TRPM3: variants seen among roughly 807,000 people sequenced by gnomAD.
TRPM3 encodes long transient receptor potential channel 3.
TRPM3 carries 77 observed loss-of-function variants against 181.2 expected under a neutral mutation model. The ratio of observed to expected loss-of-function variants is 0.42; its 90% CI spans 0.35 to 0.51. The LOEUF is 0.51. Ranked by LOEUF, TRPM3 falls within the 20% of genes least tolerant of loss-of-function variation. The pLI is 0.01. For synonymous variants in TRPM3, 745 were observed against 796.4 expected, an observed-to-expected ratio of 0.94 and a Z score of 1.09; for missense variants, 1,759 against 2,196.7, an observed-to-expected ratio of 0.80 and a Z score of 3.98.
At chr9:70,747,918 G>A (rs1303114770) in intron 8 of TRPM3, among the ~76,000 whole-genome samples, 2 of 152,054 alleles carry the variant, frequency 1.3e-5, no homozygotes, top group African/African-American at 4.8e-5. Context: ...AGCAAGGCTA[G>A]ATATTTGTGC....
At chr9:70,914,148 T>C (rs895910507) in intron 1 of TRPM3, among the ~76,000 whole-genome samples, 1 of 152,194 alleles carries the variant, frequency 6.6e-6, no homozygotes, top group Non-Finnish European at 1.5e-5. Context: ...TGAGAGCTCC[T>C]TCCTCATGAA....
chr9:71,425,372 A>T (rs2093845687), intron 1 of TRPM3, among the ~76,000 whole-genome samples: 1 of 152,102 alleles, frequency 6.6e-6, no homozygotes, highest in African/African-American at 2.4e-5. Context: ...TTTCTTCCAA[A>T]GCCTATTTCT....
chr9:70,578,298 CAA>C (rs56376771), intron 22 of TRPM3, among the ~76,000 whole-genome samples: 11,598 of 116,342 alleles, frequency 0.1, 986 homozygotes, highest in East Asian at 0.27. Context: ...CTTTTGTATC[CAA>C]AAAAAAAAAA....
At chr9:70,612,824 C>T (rs116817586) in intron 18 of TRPM3, among the ~76,000 whole-genome samples, 1,762 of 152,236 alleles carry the variant, frequency 0.012, 33 homozygotes, top group African/African-American at 0.039. Context: ...ATTATCATGC[C>T]TCTGTTCTGC....
At chr9:70,812,159 A>G (rs1459788799) in intron 6 of TRPM3, among the ~76,000 whole-genome samples, 9 of 152,338 alleles carry the variant, frequency 5.9e-5, no homozygotes, top group South Asian at 2.1e-4. Context: ...CCTTAGAGAC[A>G]GCATTAAGGG....
intron 8 of TRPM3, among the ~76,000 whole-genome samples, chr9:70,756,739 G>C (rs529730252): frequency 6.6e-6 from 1 of 152,264 alleles, no homozygotes; most frequent in East Asian, 1.9e-4. Context: ...AACGACTACT[G>C]GGTAAATAAT....
intron 8 of TRPM3, among the ~76,000 whole-genome samples, chr9:70,742,580 T>G (rs1587692636): frequency 6.6e-6 from 1 of 152,278 alleles, no homozygotes; most frequent in South Asian, 2.1e-4. Flanking sequence ...TATCCTTCCC[T>G]TAAAACATTT....
chr9:70,933,033 T>C (rs886477537), intron 1 of TRPM3, among the ~76,000 whole-genome samples: 1 of 152,126 alleles, frequency 6.6e-6, no homozygotes, highest in Admixed American at 6.6e-5. Flanking sequence ...AAAGAGAGGA[T>C]GGTTTCAAAA....
At chr9:71,315,759 C>G (rs2088525121) in intron 1 of TRPM3, among the ~76,000 whole-genome samples, 1 of 152,134 alleles carries the variant, frequency 6.6e-6, no homozygotes, top group Admixed American at 6.5e-5. Context: ...AATCTGCTTT[C>G]TCTTATTAAT....
chr9:71,149,100 GAGA>G (rs1371549108), intron 1 of TRPM3, among the ~76,000 whole-genome samples: 1 of 152,066 alleles, frequency 6.6e-6, no homozygotes, highest in Non-Finnish European at 1.5e-5. Context: ...GAAGGCAAGT[GAGA>G]AGAAGTGAAA....
rs993730049 is a variant in TRPM3, at chr9:70,535,104, C to A, written c.*849G>T. 5 of 177,142 alleles carry A rather than the reference C, an allele frequency of 2.8e-5. No individual in the cohort carries two copies. The highest frequency in any genetic ancestry group is 1.8e-4 in the South Asian group (1 of 5,710). 11.0% of individuals were successfully genotyped at this position (177,142 alleles called of 1,614,324 possible). A position where few individuals can be genotyped will look rare whatever the true frequency, so the allele number is the denominator to read the frequency against. On this transcript the variant is annotated 3_prime_UTR_variant, in exon 26 of 26. Transcript: ENST00000677713. ...GAATTCATCCATGACAGGTGAGATA[C>A]AAAATAAATTAAAAAATATAAAATT...
At chr9:71,378,693 C>T (rs974124603) in intron 1 of TRPM3, among the ~76,000 whole-genome samples, 3 of 151,984 alleles carry the variant, frequency 2.0e-5, no homozygotes, top group African/African-American at 7.2e-5. Context: ...TTCAAATTGT[C>T]AAAACATTTG....
At chr9:71,148,072 G>A (rs553432064) in intron 1 of TRPM3, among the ~76,000 whole-genome samples, 1 of 150,616 alleles carries the variant, frequency 6.6e-6, no homozygotes, top group Non-Finnish European at 1.5e-5. Context: ...TTCTCAAGTG[G>A]GGATGACAGA....
intron 1 of TRPM3, among the ~76,000 whole-genome samples, chr9:71,262,858 T>A (rs753970732): frequency 3.2e-4 from 48 of 149,136 alleles, no homozygotes; most frequent in Non-Finnish European, 3.0e-5. Context: ...TACTAACCAG[T>A]CCCAATGAGA....
chr9:71,263,049 G>T (rs1168858315), intron 1 of TRPM3, among the ~76,000 whole-genome samples: 1 of 152,146 alleles, frequency 6.6e-6, no homozygotes, highest in Non-Finnish European at 1.5e-5. Context: ...TCACAAACAT[G>T]ACGATGGCTT....
rs532284877 is a variant in TRPM3 at position 70,605,057 on chromosome 9, C to T, written c.2668-1587G>A. ...CTGCAAACCTCTTCCTGGGTTCAAG[C>T]GATTCTCGTGCCTCAGCCTCCGGAG... On this transcript the variant is annotated intron_variant, in intron 19 of 25. Coordinates refer to ENST00000677713, the MANE Select transcript of TRPM3 (RefSeq NM_001366145.2). Among the ~76,000 whole-genome samples, 20 of 147,244 alleles carry T rather than the reference C, an allele frequency of 1.4e-4. No homozygotes were observed. In the South Asian group the frequency reaches 3.4e-3, roughly 25 times the overall value.
intron 1 of TRPM3, among the ~76,000 whole-genome samples, chr9:71,087,382 A>G (rs2065453070): frequency 2.0e-5 from 3 of 152,040 alleles, no homozygotes. Flanking sequence ...ATATCCCACC[A>G]ATACAAATTC....
chr9:71,210,511 T>C (rs2079424481), intron 1 of TRPM3, among the ~76,000 whole-genome samples: 2 of 152,194 alleles, frequency 1.3e-5, no homozygotes, highest in South Asian at 4.1e-4. Context: ...ATCACTGCCC[T>C]GGAGCATTTC....
intron 1 of TRPM3, among the ~76,000 whole-genome samples, chr9:71,235,529 G>A (rs1588080226): frequency 6.6e-6 from 1 of 152,134 alleles, no homozygotes; most frequent in Non-Finnish European, 1.5e-5. Context: ...GGTTAATCTG[G>A]GCAGTCTGAC....
Sources: gnomAD v4.1 joint callset for allele counts (sites outside exome capture counted in the v4.1 genomes callset) on GRCh38, gnomAD v4.1.1 for gene constraint, MANE v1.5 for transcripts, NCBI Gene and HGNC (gene_info 2026-07-23, HGNC 2026-07-21) for gene names.